Variants in TENM2 observed in about 807,000 individuals in gnomAD.
TENM2 encodes teneurin-2.
A neutral mutation model predicts 245.2 loss-of-function variants in TENM2; 52 were observed. The observed-to-expected ratio is 0.21, with a 90% CI of 0.17 to 0.27. TENM2 has a LOEUF of 0.27. TENM2 is among the 10% of genes least tolerant of loss of function. TENM2 has a pLI of 1.00. For synonymous variants in TENM2, 1,363 were observed against 1,438.9 expected (o/e 0.95, Z 1.19); for missense variants, 3,046 against 3,666.8 (o/e 0.83, Z 4.37).
At chr5:167,961,795 G>GTT (rs1488589967) in intron 4 of TENM2, among the ~76,000 whole-genome samples, 1 of 152,224 alleles carries the variant, frequency 6.6e-6, no homozygotes, top group East Asian at 1.9e-4. Flanking sequence ...TATGAGCCAT[G>GTT]TTGGATGAAA....
At chr5:167,495,127 G>A (rs980253656) in intron 2 of TENM2, among the ~76,000 whole-genome samples, 5 of 151,942 alleles carry the variant, frequency 3.3e-5, no homozygotes, top group Admixed American at 6.6e-5. Flanking sequence ...TGCCACCATC[G>A]GTTTTGTAAC....
intron 12 of TENM2, among the ~76,000 whole-genome samples, chr5:168,153,001 A>G (rs1756793046): frequency 6.6e-6 from 1 of 152,202 alleles, no homozygotes; most frequent in African/African-American, 2.4e-5. Context: ...TGAATCAAGA[A>G]CACAGTGAAG....
At chr5:167,653,270 C>T (rs532084058) in intron 2 of TENM2, 1 of 152,038 alleles carries the variant, frequency 6.6e-6, no homozygotes, top group Non-Finnish European at 1.5e-5. Flanking sequence ...TTTTCTTTTT[C>T]TTAGAGATGG....
intron 2 of TENM2, among the ~76,000 whole-genome samples, chr5:167,384,977 C>T (rs977548524): frequency 2.6e-5 from 4 of 152,184 alleles, no homozygotes; most frequent in Non-Finnish European, 4.4e-5. Context: ...CCCACACTCC[C>T]GCAGTACAGG....
In TENM2 at chr5:168,238,172, AGAGAGAGAGAGAGGGAGG is replaced by A. The variant is rs1369514882; in HGVS notation, c.5521-6244_5521-6227del. 6.7e-4 allele frequency among the ~76,000 whole-genome samples: 52 copies of A among 77,102 alleles called. 1 individual carries two copies. Among genetic ancestry groups the A allele is most frequent in the African/African-American group, 4.7e-3 (51 of 10,772 alleles). The allele number at this position is 77,102 out of a possible 152,430, so 50.6% of individuals were successfully genotyped here. ...GAAAGAAAGAAAGAGAGAGAGAGAGAGAGAGAGAGAGAGGGAGGGAGGGAGGGAGGGAGGGAGGGAGGG... is the reference window on the plus strand; with the variant it reads ...GAAAGAAAGAAAGAGAGAGAGAGAGAGAGGGAGGGAGGGAGGGAGGGAGGG... On this transcript the variant is annotated intron_variant, in intron 25 of 28. Transcript: ENST00000518659.
intron 2 of TENM2, among the ~76,000 whole-genome samples, chr5:167,756,558 A>G (rs192738361): frequency 3.3e-5 from 5 of 152,288 alleles, no homozygotes; most frequent in African/African-American, 1.2e-4. Context: ...ATGAGGCTCC[A>G]GGAGGAAATC....
intron 4 of TENM2, among the ~76,000 whole-genome samples, chr5:167,972,637 C>T (rs995559976): frequency 2.0e-5 from 3 of 152,034 alleles, no homozygotes; most frequent in South Asian, 2.1e-4. Flanking sequence ...GAATTTTGAT[C>T]GATTGTGCCA....
chr5:167,265,576 G>A, the TENM2 span, among the ~76,000 whole-genome samples: 2 of 152,050 alleles, frequency 1.3e-5, no homozygotes, highest in African/African-American at 4.8e-5. Context: ...GGATTTTTCT[G>A]TGAACCCGAG....
chr5:168,046,294 G>A (rs565127061), intron 5 of TENM2, among the ~76,000 whole-genome samples: 1 of 152,280 alleles, frequency 6.6e-6, no homozygotes, highest in Non-Finnish European at 1.5e-5. Flanking sequence ...GACTCCAAAC[G>A]TCTCCCTGTC....
intron 2 of TENM2, among the ~76,000 whole-genome samples, chr5:167,807,124 T>TAAAAAAAAAAAAAAAAAAAA (rs1178739925): frequency 3.3e-4 from 16 of 49,080 alleles, no homozygotes; most frequent in African/African-American, 1.1e-3. Context: ...GCCCCTAGGT[T>TAAAAAAAAAAAAAAAAAAAA]AAAAAAAAAA....
chr5:167,580,332 A>C (rs1774999897), intron 2 of TENM2, among the ~76,000 whole-genome samples: 1 of 152,204 alleles, frequency 6.6e-6, no homozygotes, highest in African/African-American at 2.4e-5. Context: ...TCGACTGGAT[A>C]AATTTAAATT....
chr5:167,393,845 A>C (rs1379448401), intron 2 of TENM2, among the ~76,000 whole-genome samples: 1 of 152,152 alleles, frequency 6.6e-6, no homozygotes. Flanking sequence ...CGGTAGGAAG[A>C]AGTGATCTGA....
rs191631228 is a variant in TENM2, at chr5:168,043,098, A to T, written c.1187-4329A>T. On this transcript the variant is annotated intron_variant, in intron 5 of 28. Transcript: ENST00000518659. ...GATGATTTGGACCAGGCCTTTTGGG[A>T]TGAACTGCTAGAGCATTCAAGGTGG... Among the ~76,000 whole-genome samples, 3 of 152,280 alleles carry T rather than the reference A, an allele frequency of 2.0e-5. No individual in the cohort carries two copies. The East Asian group carries it at 5.8e-4, about 29-fold the overall frequency.
intron 3 of TENM2, among the ~76,000 whole-genome samples, chr5:167,928,986 G>C: frequency 7.0e-6 from 1 of 142,656 alleles, no homozygotes; most frequent in African/African-American, 2.6e-5. Context: ...GGAAGGGAGG[G>C]AGGGAAGGAG....
At chr5:167,850,138 C>T (rs1770442488) in intron 2 of TENM2, among the ~76,000 whole-genome samples, 1 of 152,166 alleles carries the variant, frequency 6.6e-6, no homozygotes, top group Admixed American at 6.5e-5. Context: ...CACCAGTCGT[C>T]TCATGAGAAG....
At chr5:168,013,968 T>C (rs978643078) in intron 5 of TENM2, among the ~76,000 whole-genome samples, 4 of 152,228 alleles carry the variant, frequency 2.6e-5, no homozygotes, top group Admixed American at 1.3e-4. Context: ...CCTGCCTTTA[T>C]ATCTGTCCCT....
At chr5:167,988,031 C>G (rs1296010312) in intron 4 of TENM2, among the ~76,000 whole-genome samples, 1 of 152,118 alleles carries the variant, frequency 6.6e-6, no homozygotes, top group East Asian at 1.9e-4. Flanking sequence ...CAATGAGCGG[C>G]CTGAGAGCTA....
At chr5:167,326,632 C>A (rs918113852) in intron 1 of TENM2, among the ~76,000 whole-genome samples, 1 of 151,120 alleles carries the variant, frequency 6.6e-6, no homozygotes, top group Admixed American at 6.6e-5. Context: ...GAGTTCATGC[C>A]ACTGCACTCC....
At chr5:167,397,126 C>T (rs1423486683) in intron 2 of TENM2, among the ~76,000 whole-genome samples, 2 of 152,036 alleles carry the variant, frequency 1.3e-5, no homozygotes, top group Non-Finnish European at 2.9e-5. Flanking sequence ...TGTAAGAAAT[C>T]TTGAATATAG....
Sources: allele counts gnomAD v4.1 joint callset (sites outside exome capture counted in the v4.1 genomes callset), GRCh38; gene constraint gnomAD v4.1.1; transcripts MANE v1.5; gene names NCBI Gene and HGNC (gene_info 2026-07-23, HGNC 2026-07-21).